The following SOS2 variants were observed in gnomAD, a reference collection of about 807,000 sequenced individuals.
SOS2 encodes SOS Ras/Rho guanine nucleotide exchange factor 2, also known as son of sevenless homolog 2.
A neutral mutation model predicts 148.2 loss-of-function variants in SOS2; 65 were observed. That is an observed-to-expected ratio of 0.44 (90% CI 0.36 to 0.54). The LOEUF (loss-of-function observed/expected upper bound fraction) is 0.54, where lower values mean the gene tolerates loss of function less well. Among genes scored for constraint, SOS2 ranks in the 20% least tolerant of loss-of-function variants. The pLI is 0.00. For synonymous variants in SOS2, 539 were observed against 537.1 expected (o/e 1.00, Z -0.05); for missense variants, 1,341 against 1,590.2 (o/e 0.84, Z 2.67).
At position 50,152,955 on chromosome 14, in the gene SOS2, G is replaced by A. The variant is rs1401206106; in HGVS notation, c.2161+115C>T. 12 of 542,438 alleles carry A rather than the reference G, an allele frequency of 2.2e-5. No homozygotes were observed. The African/African-American group carries it at 2.6e-4, about 12-fold the overall frequency. The allele number at this position is 542,438 out of a possible 1,614,324, so 33.6% of individuals were successfully genotyped here. ...ACTCCAGCCTGGACAACAAAGCAAA[G>A]CTCTGTTTCAAAAAAAAAAAAGAGA... On this transcript the variant is annotated intron_variant, in intron 13 of 22. Coordinates refer to ENST00000216373, the MANE Select transcript of SOS2 (RefSeq NM_006939.4).
intron 18 of SOS2, among the ~76,000 whole-genome samples, chr14:50,134,790 T>C (rs1480878652): frequency 2.6e-5 from 4 of 152,168 alleles, no homozygotes; most frequent in East Asian, 1.9e-4. Context: ...AGAATGATTA[T>C]AGGCCGAGCA....
intron 18 of SOS2, among the ~76,000 whole-genome samples, chr14:50,134,493 A>G (rs987464381): frequency 6.6e-6 from 1 of 152,166 alleles, no homozygotes; most frequent in Non-Finnish European, 1.5e-5. Context: ...ATGAGTTTTC[A>G]TTTATTATCA....
chr14:50,136,591 CTTTT>C (rs33937285), intron 18 of SOS2, among the ~76,000 whole-genome samples: 37 of 139,366 alleles, frequency 2.7e-4, no homozygotes, highest in Non-Finnish European at 2.3e-4. Flanking sequence ...GAGCAAGTAT[CTTTT>C]TTTTTTTTTT....
intron 1 of SOS2, among the ~76,000 whole-genome samples, chr14:50,209,537 C>T (rs529999974): frequency 6.6e-6 from 1 of 152,096 alleles, no homozygotes; most frequent in African/African-American, 2.4e-5. Context: ...GAAGCTGAGG[C>T]GGGAGGATCG....
At chr14:50,157,216 G>A (rs917638011) in intron 11 of SOS2, 95 bp from the exon 12 acceptor site, 1 of 1,388,830 alleles carries the variant, frequency 7.2e-7, no homozygotes, top group Non-Finnish European at 9.7e-7. Context: ...CCACTTCCAC[G>A]AAAAGTGGAT....
chr14:50,166,859 T>C (rs1386766640), intron 8 of SOS2, among the ~76,000 whole-genome samples: 3 of 152,198 alleles, frequency 2.0e-5, no homozygotes, highest in Admixed American at 1.3e-4. Flanking sequence ...TAATAAACTC[T>C]CTAGATTTTC....
At chr14:50,178,540 T>G (rs1885601408) in intron 7 of SOS2, among the ~76,000 whole-genome samples, 1 of 151,744 alleles carries the variant, frequency 6.6e-6, no homozygotes, top group South Asian at 2.1e-4. Flanking sequence ...CTCGGCTCAC[T>G]GCAACCCCCA....
intron 7 of SOS2, among the ~76,000 whole-genome samples, chr14:50,179,265 A>T (rs754186131): frequency 3.3e-5 from 5 of 151,890 alleles, no homozygotes; most frequent in Non-Finnish European, 7.4e-5. Context: ...AACTTTCTTC[A>T]CTCTAGTTAA....
At chr14:50,212,195 G>A (rs747700403) in intron 1 of SOS2, among the ~76,000 whole-genome samples, 1 of 152,244 alleles carries the variant, frequency 6.6e-6, no homozygotes, top group South Asian at 2.1e-4. Context: ...ATCAAAACAG[G>A]CCAGGCGCGG....
At chr14:50,144,462 G>C (rs1371659669) in intron 16 of SOS2, among the ~76,000 whole-genome samples, 1 of 151,850 alleles carries the variant, frequency 6.6e-6, no homozygotes, top group East Asian at 1.9e-4. Flanking sequence ...TTTTGAGACT[G>C]AGTCTCACTG....
At chr14:50,140,832 C>A (rs1187709006) in intron 16 of SOS2, among the ~76,000 whole-genome samples, 1 of 152,080 alleles carries the variant, frequency 6.6e-6, no homozygotes, top group Non-Finnish European at 1.5e-5. Context: ...AGAGAATCAG[C>A]AATGCTGCTA....
At chr14:50,196,371 T>A (rs1247939908) in intron 4 of SOS2, among the ~76,000 whole-genome samples, 4 of 152,168 alleles carry the variant, frequency 2.6e-5, no homozygotes. Context: ...CACATCAGAA[T>A]AAAATGGAGT....
chr14:50,198,519 C>T (rs2139775030), intron 4 of SOS2, among the ~76,000 whole-genome samples: 1 of 152,322 alleles, frequency 6.6e-6, no homozygotes, highest in East Asian at 1.9e-4. Context: ...TCAAAGAACA[C>T]TGAGGTTTGG....
chr14:50,188,689 G>A lies in SOS2; in HGVS notation c.522C>T (p.Asp174=), dbSNP rs1242284154. ...AACCTATGTCATCCTGATCAAACAT[G>A]TCCATCAAAACCTGAGAAACAGAAA... The part of the protein sequence containing the change: ...VSMCADKVLM[D]MFDQDDIGLV... The change falls in exon 5 of 23, where the codon GAC becomes GAT. Residue 174 remains aspartate (D), a synonymous_variant. Transcript: ENST00000216373. 1.9e-6 allele frequency: 3 copies of A among 1,591,802 alleles called. No individual in the cohort carries two copies. Among genetic ancestry groups the A allele is most frequent in the Non-Finnish European group, 1.7e-6 (2 of 1,171,770 alleles).
intron 17 of SOS2, among the ~76,000 whole-genome samples, chr14:50,139,401 TACC>T (rs1160490588): frequency 1.3e-5 from 2 of 150,702 alleles, no homozygotes; most frequent in Non-Finnish European, 2.9e-5. Context: ...CATTTTTGGT[TACC>T]ACAACTCCAG....
At chr14:50,178,255 T>C (rs1885591369) in intron 7 of SOS2, among the ~76,000 whole-genome samples, 1 of 151,990 alleles carries the variant, frequency 6.6e-6, no homozygotes, top group African/African-American at 2.4e-5. Context: ...TGTAATAGAG[T>C]TCTCAGGAGA....
chr14:50,118,342 G>A lies in SOS2; in HGVS notation c.*2C>T. 1 of 1,611,856 alleles carries A rather than the reference G, an allele frequency of 6.2e-7. No homozygotes were observed. The highest frequency in any genetic ancestry group is 8.5e-7 in the Non-Finnish European group (1 of 1,178,380). On this transcript the variant is annotated 3_prime_UTR_variant, in exon 23 of 23. Coordinates refer to ENST00000216373, the MANE Select transcript of SOS2 (RefSeq NM_006939.4). ...AGTGTCAATGACTACATATGGCTAAGGTCATTGGGGAGTTTCTGCATTTTC... is the reference window on the plus strand; with the variant it reads ...AGTGTCAATGACTACATATGGCTAAAGTCATTGGGGAGTTTCTGCATTTTC...
chr14:50,223,047 G>A (rs1887244857), intron 1 of SOS2, among the ~76,000 whole-genome samples: 1 of 152,188 alleles, frequency 6.6e-6, no homozygotes, highest in Non-Finnish European at 1.5e-5. Context: ...TTGAGGTAGA[G>A]CTAAAAGGAT....
intron 22 of SOS2, among the ~76,000 whole-genome samples, chr14:50,119,490 C>G (rs1327886101): frequency 6.6e-6 from 1 of 152,092 alleles, no homozygotes; most frequent in Admixed American, 6.5e-5. Context: ...TCCACCTGTA[C>G]CAGAAAGAAA....
Sources: gnomAD v4.1 joint callset for allele counts (sites outside exome capture counted in the v4.1 genomes callset) on GRCh38, gnomAD v4.1.1 for gene constraint, MANE v1.5 for transcripts, NCBI Gene and HGNC (gene_info 2026-07-23, HGNC 2026-07-21) for gene names.